Variants in MGAM2 observed in about 807,000 individuals in gnomAD.
MGAM2 encodes maltase-glucoamylase 2 (putative).
A neutral mutation model predicts 96.1 loss-of-function variants in MGAM2; 98 were observed. The ratio of observed to expected loss-of-function variants is 1.02; its 90% CI spans 0.87 to 1.21. The LOEUF (loss-of-function observed/expected upper bound fraction) is 1.21. Among genes scored for constraint, MGAM2 ranks in the 50% most tolerant of loss-of-function variants. MGAM2 has a pLI of 0.00. For synonymous variants in MGAM2, 749 were observed against 414.8 expected (o/e 1.81, Z -9.79); for missense variants, 2,055 against 1,182.4 (o/e 1.74, Z -10.82).
chr7:142,123,750 C>G (rs762168793), intron 3 of MGAM2, among the ~76,000 whole-genome samples: 1 of 152,078 alleles, frequency 6.6e-6, no homozygotes, highest in Non-Finnish European at 1.5e-5. Flanking sequence ...CTGTTGATGA[C>G]AAATAGCTCA....
intron 34 of MGAM2, among the ~76,000 whole-genome samples, chr7:142,185,577 C>T (rs2129095911): frequency 6.6e-6 from 1 of 152,056 alleles, no homozygotes; most frequent in South Asian, 2.1e-4. Context: ...CTCTGGAGTT[C>T]ACTTGCCCCT....
chr7:142,130,194 TAGC>T (rs1484516428), intron 3 of MGAM2, among the ~76,000 whole-genome samples: 4 of 152,244 alleles, frequency 2.6e-5, no homozygotes, highest in Non-Finnish European at 5.9e-5. Flanking sequence ...GCCTTGGACA[TAGC>T]AGAGATATTG....
chr7:142,136,543 C>G lies in MGAM2; in HGVS notation c.750C>G (p.Gly250=), dbSNP rs1244959048. The change falls in exon 8 of 48, where the codon GGC becomes GGG. Residue 250 remains glycine (G), a splice_region_variant and synonymous_variant. Coordinates refer to ENST00000477922, the MANE Select transcript of MGAM2 (RefSeq NM_001293626.2). ...CTTTTCTTCTGTTTTGCTGATAGGG[C>G]ATGATTAATCTGTATGGAGCTCATA... is the stretch of plus-strand genomic sequence containing the variant. The part of the protein sequence containing the change: ...IFTRDATPTE[G]MINLYGAHTF... 2.9e-6 allele frequency: 2 copies of G among 683,722 alleles called. No homozygotes were observed. The highest frequency in any genetic ancestry group is 3.6e-5 in the African/African-American group (2 of 56,282). 42.4% of individuals were successfully genotyped at this position (683,722 alleles called of 1,614,324 possible). A position where few individuals can be genotyped will look rare whatever the true frequency, so the allele number is the denominator to read the frequency against.
At chr7:142,123,097 C>T (rs1462529784) in intron 3 of MGAM2, among the ~76,000 whole-genome samples, 1 of 152,112 alleles carries the variant, frequency 6.6e-6, no homozygotes, top group Admixed American at 6.5e-5. Context: ...GCTGGAATTA[C>T]AGGGGTGAGC....
intron 46 of MGAM2, among the ~76,000 whole-genome samples, chr7:142,214,416 C>G (rs897374338): frequency 1.3e-5 from 2 of 152,190 alleles, no homozygotes; most frequent in Non-Finnish European, 2.9e-5. Flanking sequence ...ACCCCATTGT[C>G]TCAGCCGAAA....
chr7:142,129,703 T>C (rs1335417274), intron 3 of MGAM2, among the ~76,000 whole-genome samples: 2 of 151,040 alleles, frequency 1.3e-5, no homozygotes, highest in African/African-American at 4.9e-5. Flanking sequence ...TGGGAGCCTG[T>C]AATCCTAGCT....
Position 142,131,567 on chromosome 7 carries a change from T to G in MGAM2, c.360T>G (p.Asn120Lys). The change falls in exon 5 of 48, where the codon AAT becomes AAG. Residue 120 changes from asparagine (N) to lysine (K), a missense_variant. Coordinates refer to ENST00000477922, the MANE Select transcript of MGAM2 (RefSeq NM_001293626.2). The part of the protein sequence containing the change: ...KRLPSPSLFG[N>K]DVATTLFTAE... The stretch of plus-strand genomic sequence containing the variant: ...TGCCATCACCATCTCTGTTTGGAAA[T>G]GATGTCGCCACCACCCTTTTCACAG... 4 of 703,062 alleles carry G rather than the reference T, an allele frequency of 5.7e-6. No individual in the cohort carries two copies. Among genetic ancestry groups the G allele is most frequent in the Admixed American group, 2.0e-5 (1 of 50,014 alleles). The allele number at this position is 703,062 out of a possible 1,614,324, so 43.6% of individuals were successfully genotyped here.
Position 142,133,654 on chromosome 7 carries a change from T to C in MGAM2, c.576-327T>C, listed in dbSNP as rs569614625. ...TGTCCAAAAAAAGGGACTCAAAATA[T>C]CCACTTTTCCTAGGGGCAATGAGAC... is the stretch of plus-strand genomic sequence containing the variant. On this transcript the variant is annotated intron_variant, in intron 6 of 47. Coordinates refer to ENST00000477922, the MANE Select transcript of MGAM2 (RefSeq NM_001293626.2). Among the ~76,000 whole-genome samples, 108 of 152,188 alleles carry C rather than the reference T, an allele frequency of 7.1e-4. 1 individual carries two copies. Among genetic ancestry groups the C allele is most frequent in the African/African-American group, 2.6e-3 (108 of 41,486 alleles).
chr7:142,190,075 A>G (rs150506516), intron 37 of MGAM2, among the ~76,000 whole-genome samples: 9 of 148,564 alleles, frequency 6.1e-5, no homozygotes, highest in African/African-American at 2.3e-4. Context: ...GAACATCTAA[A>G]TTGTTTCCAT....
At position 142,171,428 on chromosome 7, in the gene MGAM2, T is replaced by G. The variant is rs1297798468; in HGVS notation, c.3339T>G (p.Asp1113Glu). ...ACACATGGGGAATGTTTGCTCATGA[T>G]GAGCCACCTGCGGTAGGGACAAAGG... ...NWNTWGMFAH[D>E]EPPAYKKNSY... Residue 1113 changes from aspartate (D) to glutamate (E), a missense_variant, in exon 28 of 48, where the codon GAT becomes GAG. Coordinates refer to ENST00000477922, the MANE Select transcript of MGAM2 (RefSeq NM_001293626.2). 1 of 703,088 alleles carries G rather than the reference T, an allele frequency of 1.4e-6. No individual in the cohort carries two copies. Among genetic ancestry groups the G allele is most frequent in the African/African-American group, 1.7e-5 (1 of 57,278 alleles). 43.6% of individuals were successfully genotyped at this position (703,088 alleles called of 1,614,324 possible).
Position 142,200,211 on chromosome 7 carries a change from A to G in MGAM2, c.5137+243A>G, listed in dbSNP as rs572494365. ...GCTGTTATGCATTCAGCCAGGGATG[A>G]TCTATCTCTGTATAACTGTCTCACT... On this transcript the variant is annotated intron_variant, in intron 45 of 47. Coordinates refer to ENST00000477922, the MANE Select transcript of MGAM2 (RefSeq NM_001293626.2). Among the ~76,000 whole-genome samples, 3 of 152,148 alleles carry G rather than the reference A, an allele frequency of 2.0e-5. No homozygotes were observed. The East Asian group carries it at 5.8e-4, about 29-fold the overall frequency.
In MGAM2 at chr7:142,198,640, A is replaced by C; in HGVS notation, c.4949A>C (p.Gln1650Pro). ...GGAACTAGCAGCACATCAACAGGTC[A>C]GAGGAAAATCCTGAAGGCTCCCCTT... ...STGTSSTSTG[Q>P]RKILKAPLDH... The change falls in exon 44 of 48, where the codon CAG becomes CCG. Residue 1650 changes from glutamine to proline, a missense_variant. Coordinates refer to ENST00000477922, the MANE Select transcript of MGAM2 (RefSeq NM_001293626.2). 6 of 703,296 alleles carry C rather than the reference A, an allele frequency of 8.5e-6. No homozygotes were observed. The Middle Eastern group carries it at 1.4e-3, about 161-fold the overall frequency. 43.6% of individuals were successfully genotyped at this position (703,296 alleles called of 1,614,324 possible). A position where few individuals can be genotyped will look rare whatever the true frequency, so the allele number is the denominator to read the frequency against.
At position 142,158,282 on chromosome 7, in the gene MGAM2, G is replaced by A. The variant is rs183089852; in HGVS notation, c.2113G>A (p.Glu705Lys). The A allele has an allele frequency of 8.1e-5, 57 of 702,982 alleles. No individual in the cohort carries two copies. The African/African-American group carries it at 8.5e-4, about 11-fold the overall frequency. The allele number at this position is 702,982 out of a possible 1,614,324, so 43.5% of individuals were successfully genotyped here. A position where few individuals can be genotyped will look rare whatever the true frequency, so the allele number is the denominator to read the frequency against. Reference protein sequence around the residue: ...YQDSATWDVHEQFLWGPGLLI... With the variant: ...YQDSATWDVHKQFLWGPGLLI... ...GGACTCAGCCACGTGGGATGTGCAT[G>A]AGCAGTTCTTATGGGGACCTGGACT... is the stretch of plus-strand genomic sequence containing the variant. Residue 705 changes from glutamate (E) to lysine (K), a missense_variant, in exon 19 of 48, where the codon GAG (glutamate) becomes AAG (lysine). Transcript: ENST00000477922.
At chr7:142,123,977 T>TA (rs1794662968) in intron 3 of MGAM2, among the ~76,000 whole-genome samples, 3 of 131,072 alleles carry the variant, frequency 2.3e-5, no homozygotes, top group South Asian at 2.6e-4. Flanking sequence ...TTTTTTTTTT[T>TA]TTTTTTTTTT....
chr7:142,210,458 G>A (rs1409383431), intron 46 of MGAM2, among the ~76,000 whole-genome samples: 1 of 152,176 alleles, frequency 6.6e-6, no homozygotes, highest in African/African-American at 2.4e-5. Flanking sequence ...CTCGCCGCCA[G>A]CACAGCTGTC....
At chr7:142,134,995 G>C (rs1238944139) in intron 7 of MGAM2, among the ~76,000 whole-genome samples, 2 of 152,134 alleles carry the variant, frequency 1.3e-5, no homozygotes, top group Non-Finnish European at 2.9e-5. Flanking sequence ...TGATAACAAA[G>C]GGTTTGAGGA....
intron 37 of MGAM2, among the ~76,000 whole-genome samples, chr7:142,191,786 T>A (rs1260170875): frequency 6.6e-6 from 1 of 152,180 alleles, no homozygotes; most frequent in Non-Finnish European, 1.5e-5. Context: ...TTACATTGAG[T>A]CTATAAATCA....
At chr7:142,166,040 C>T in intron 24 of MGAM2, 58 bp from the exon 25 acceptor site, 1 of 606,038 alleles carries the variant, frequency 1.7e-6, no homozygotes, top group South Asian at 2.0e-5. Context: ...CAGCCAAGAA[C>T]TCTTTCTGGG....
chr7:142,210,490 G>A (rs916041647), intron 46 of MGAM2, among the ~76,000 whole-genome samples: 7 of 152,152 alleles, frequency 4.6e-5, no homozygotes, highest in Non-Finnish European at 1.0e-4. Flanking sequence ...TGGGAAGCTC[G>A]AGTTTGGTGG....
Sources: allele counts gnomAD v4.1 joint callset (sites outside exome capture counted in the v4.1 genomes callset), GRCh38; gene constraint gnomAD v4.1.1; transcripts MANE v1.5; gene names NCBI Gene and HGNC (gene_info 2026-07-23, HGNC 2026-07-21).